Variants in FBXW7 observed in about 807,000 individuals in gnomAD.
The protein encoded by FBXW7 is F-box/WD repeat-containing protein 7.
FBXW7 carries 11 observed loss-of-function variants against 86.3 expected under a neutral mutation model. The observed-to-expected ratio is 0.13, with a 90% CI of 0.08 to 0.21. The LOEUF (loss-of-function observed/expected upper bound fraction) is 0.21. Among genes scored for constraint, FBXW7 ranks in the 10% least tolerant of loss-of-function variants. The pLI, the probability that FBXW7 is intolerant of heterozygous loss-of-function variation, is 1.00. For synonymous variants in FBXW7, 313 were observed against 297.9 expected (o/e 1.05, Z -0.52); for missense variants, 488 against 847.4 (o/e 0.58, Z 5.27).
intron 4 of FBXW7, among the ~76,000 whole-genome samples, chr4:152,409,588 T>TA (rs1180913261): frequency 1.3e-5 from 2 of 152,124 alleles, no homozygotes; most frequent in African/African-American, 4.8e-5. Flanking sequence ...ACTGAAATCT[T>TA]ACTTGTAGAA....
intron 2 of FBXW7, among the ~76,000 whole-genome samples, chr4:152,506,391 A>T (rs992278902): frequency 1.3e-5 from 2 of 152,340 alleles, no homozygotes; most frequent in African/African-American, 4.8e-5. Context: ...TCAGCCTCCC[A>T]AAGTGTTGGG....
chr4:152,485,844 T>G (rs936743766), intron 2 of FBXW7, among the ~76,000 whole-genome samples: 15 of 152,242 alleles, frequency 9.9e-5, no homozygotes, highest in Admixed American at 9.8e-4. Context: ...GAGTTCTCGC[T>G]GGCTAAATTT....
intron 2 of FBXW7, among the ~76,000 whole-genome samples, chr4:152,479,301 C>CA (rs531178850): frequency 1.3e-5 from 2 of 151,440 alleles, no homozygotes; most frequent in South Asian, 4.2e-4. Context: ...GACATCTAGT[C>CA]AAAAAAAAGT....
At chr4:152,435,147 G>C (rs1036709875) in intron 2 of FBXW7, among the ~76,000 whole-genome samples, 1 of 147,136 alleles carries the variant, frequency 6.8e-6, no homozygotes, top group African/African-American at 2.5e-5. Context: ...ACGTAAGTAT[G>C]CATTTCTTAT....
intron 2 of FBXW7, among the ~76,000 whole-genome samples, chr4:152,432,053 G>T (rs1739938316): frequency 1.3e-5 from 2 of 152,148 alleles, no homozygotes; most frequent in Admixed American, 1.3e-4. Flanking sequence ...GTAGTCATTG[G>T]CTGTTTAGGG....
intron 2 of FBXW7, among the ~76,000 whole-genome samples, chr4:152,469,901 G>C (rs1370811812): frequency 6.6e-6 from 1 of 152,006 alleles, no homozygotes; most frequent in Admixed American, 6.6e-5. Context: ...GTAAACTTAA[G>C]TAACACGCAA....
intron 2 of FBXW7, among the ~76,000 whole-genome samples, chr4:152,521,976 T>C (rs983347329): frequency 9.2e-5 from 14 of 151,890 alleles, no homozygotes; most frequent in Non-Finnish European, 1.6e-4. Flanking sequence ...CACGCCACCA[T>C]GCCCAGCTAA....
rs199923034 is a variant in FBXW7 at position 152,411,319 on chromosome 4, T to C, written c.485A>G (p.Tyr162Cys). 4 of 1,602,996 alleles carry C rather than the reference T, an allele frequency of 2.5e-6. No homozygotes were observed. Among genetic ancestry groups the C allele is most frequent in the African/African-American group, 1.3e-5 (1 of 74,594 alleles). The change falls in exon 4 of 14, where the codon TAT becomes TGT. Residue 162 changes from tyrosine (Y) to cysteine (C), a missense_variant. This residue lies in a region of FBXW7 where 230 missense variants were observed against 240.0 expected (regional missense o/e 0.96). Transcript: ENST00000281708. ...LPVHQLSSPF[Y>C]TKTTKMKRKL... ...TATACTCACTTTTGTTGTTTTTGTATAGAATGGGGAGGAGAGTTGGTGAAC... is the reference window on the plus strand; with the variant it reads ...TATACTCACTTTTGTTGTTTTTGTACAGAATGGGGAGGAGAGTTGGTGAAC...
intron 2 of FBXW7, among the ~76,000 whole-genome samples, chr4:152,424,211 G>C (rs1296408648): frequency 6.6e-6 from 1 of 151,996 alleles, no homozygotes; most frequent in Non-Finnish European, 1.5e-5. Flanking sequence ...TCGGCAGTAG[G>C]GCCCAGTTTC....
At chr4:152,359,717 C>A (rs184956605) in intron 4 of FBXW7, among the ~76,000 whole-genome samples, 1 of 151,968 alleles carries the variant, frequency 6.6e-6, no homozygotes. Context: ...GAGCTGAGAT[C>A]GTGCCGTTGC....
chr4:152,496,680 G>C (rs1024621740), intron 2 of FBXW7, among the ~76,000 whole-genome samples: 3 of 151,740 alleles, frequency 2.0e-5, no homozygotes, highest in Admixed American at 2.0e-4. Context: ...AAAGAAAAAA[G>C]AAAAAAATAG....
chr4:152,481,054 T>A (rs1276331916), intron 2 of FBXW7, among the ~76,000 whole-genome samples: 1 of 152,166 alleles, frequency 6.6e-6, no homozygotes, highest in African/African-American at 2.4e-5. Context: ...TGTAGTACTT[T>A]CCTAGCTAGA....
intron 2 of FBXW7, among the ~76,000 whole-genome samples, chr4:152,483,680 A>G (rs1745091373): frequency 6.6e-6 from 1 of 152,160 alleles, no homozygotes; most frequent in African/African-American, 2.4e-5. Flanking sequence ...CCTGGGCAAC[A>G]AAGTGAGACC....
Position 152,329,776 on chromosome 4 carries a change from C to A in FBXW7, c.1132G>T (p.Gly378Ter). The change falls in exon 10 of 14, where the codon GGA (glycine) becomes TGA (stop). Residue 378 changes from glycine (G) to a stop codon, truncating the protein, a stop_gained. Transcript: ENST00000281708. LOFTEE classifies it high-confidence loss of function. Reference sequence around the variant, plus strand: ...CATGTGATCACATGATCATCATGTCCTTTCAGCACCTATAAGAAAGATGTG... The same window carrying A: ...CATGTGATCACATGATCATCATGTCATTTCAGCACCTATAAGAAAGATGTG... Reference protein sequence around the residue: ...GELKSPKVLKGHDDHVITCLQ... With the variant: ...GELKSPKVLK 1.3e-6 allele frequency: 2 copies of A among 1,547,658 alleles called. No individual in the cohort carries two copies. Among genetic ancestry groups the A allele is most frequent in the Non-Finnish European group, 1.7e-6 (2 of 1,147,132 alleles).
At chr4:152,427,828 C>T (rs1482323832) in intron 2 of FBXW7, among the ~76,000 whole-genome samples, 3 of 152,128 alleles carry the variant, frequency 2.0e-5, no homozygotes, top group Admixed American at 1.3e-4. Context: ...AACATCATCC[C>T]AAGTTGTATA....
chr4:152,445,828 T>C (rs1259563483), intron 2 of FBXW7, among the ~76,000 whole-genome samples: 5 of 148,234 alleles, frequency 3.4e-5, no homozygotes, highest in Non-Finnish European at 5.9e-5. Context: ...GATAATCACT[T>C]GAACCTAGGA....
At chr4:152,352,833 A>AT in intron 4 of FBXW7, 1 of 1,532,046 alleles carries the variant, frequency 6.5e-7, no homozygotes, top group Non-Finnish European at 8.7e-7. Flanking sequence ...GACTGAACAG[A>AT]TTCCTCCCTC....
Position 152,326,182 on chromosome 4 carries a change from T to C in FBXW7, c.1468A>G (p.Thr490Ala). The change falls in exon 12 of 14, where the codon ACA becomes GCA. Residue 490 changes from threonine (T) to alanine (A), a missense_variant. By Grantham distance (58) the Thr-to-Ala change is moderately conservative (BLOSUM62 0). Transcript: ENST00000281708. ...DATLRVWDIE[T>A]GQCLHVLMGH... ...ATCAAAACATGTAAACACTGGCCTG[T>C]CTCAATATCCCAAACCCTAAGAGTG... The C allele has an allele frequency of 6.2e-7, 1 of 1,613,202 alleles. No homozygotes were observed. The highest frequency in any genetic ancestry group is 8.5e-7 in the Non-Finnish European group (1 of 1,179,484).
chr4:152,501,160 T>C lies in FBXW7; in HGVS notation c.-120+33781A>G, dbSNP rs531668830. ...TTAATGTGCATGGTAAAATATTCAATAGGCCATTATTATGGTACACAGTGT... is the reference window on the plus strand; with the variant it reads ...TTAATGTGCATGGTAAAATATTCAACAGGCCATTATTATGGTACACAGTGT... On this transcript the variant is annotated intron_variant, in intron 2 of 13. Transcript: ENST00000281708. Among the ~76,000 whole-genome samples, 162 of 152,320 alleles carry C rather than the reference T, an allele frequency of 1.1e-3. 3 individuals are homozygous for C. The highest frequency in any genetic ancestry group is 8.7e-3 in the South Asian group (42 of 4,828).
Sources: gnomAD v4.1 joint callset for allele counts (sites outside exome capture counted in the v4.1 genomes callset) on GRCh38, gnomAD v4.1.1 for gene constraint, gnomAD v4.1.1 regional missense constraint, MANE v1.5 for transcripts, NCBI Gene and HGNC (gene_info 2026-07-23, HGNC 2026-07-21) for gene names.